The following SLC25A48 variants were observed in gnomAD, a reference collection of about 807,000 sequenced individuals.
SLC25A48 encodes solute carrier family 25 member 48.
A neutral mutation model predicts 32.2 loss-of-function variants in SLC25A48; 29 were observed. The ratio of observed to expected loss-of-function variants is 0.90; its 90% CI spans 0.67 to 1.23. The LOEUF (loss-of-function observed/expected upper bound fraction) is 1.23, where lower values mean the gene tolerates loss of function less well. Ranked by LOEUF, SLC25A48 falls within the 50% of genes most tolerant of loss-of-function variation. The pLI is 0.00. For synonymous variants in SLC25A48, 164 were observed against 172.3 expected, an observed-to-expected ratio of 0.95 and a Z score of 0.38; for missense variants, 399 against 422.7, an observed-to-expected ratio of 0.94 and a Z score of 0.49.
intron 1 of SLC25A48, among the ~76,000 whole-genome samples, chr5:135,623,774 A>G (rs910466240): frequency 5.3e-5 from 8 of 152,200 alleles, no homozygotes; most frequent in African/African-American, 1.9e-4. Flanking sequence ...AACCTTGCAG[A>G]AATTTAGCTA....
chr5:135,776,432 G>A (rs977397026), intron 3 of SLC25A48, among the ~76,000 whole-genome samples: 1 of 151,960 alleles, frequency 6.6e-6, no homozygotes, highest in Non-Finnish European at 1.5e-5. Flanking sequence ...TATAAAAGGC[G>A]GGAGAGGATG....
chr5:135,591,192 G>A (rs1393181543), intron 1 of SLC25A48, among the ~76,000 whole-genome samples: 1 of 152,238 alleles, frequency 6.6e-6, no homozygotes. Flanking sequence ...AAGCATCGGA[G>A]GTCACACAAT....
intron 2 of SLC25A48, 116 bp from the exon 3 acceptor site, chr5:135,850,309 C>G (rs1429614732): frequency 9.7e-7 from 1 of 1,028,546 alleles, no homozygotes; most frequent in Non-Finnish European, 1.5e-6. Flanking sequence ...GACTGAAACC[C>G]AGACCCTTTG....
At chr5:135,769,863 G>A (rs1756357427) in intron 3 of SLC25A48, among the ~76,000 whole-genome samples, 1 of 151,444 alleles carries the variant, frequency 6.6e-6, no homozygotes, top group South Asian at 2.1e-4. Context: ...ATCCATGAGG[G>A]GAAAGGATAA....
chr5:135,638,144 T>C (rs1752748948), intron 3 of SLC25A48, among the ~76,000 whole-genome samples: 1 of 152,254 alleles, frequency 6.6e-6, no homozygotes, highest in Admixed American at 6.5e-5. Flanking sequence ...GTATGCATTT[T>C]GATTCTACAT....
At chr5:135,772,092 A>G (rs12152911) in intron 3 of SLC25A48, among the ~76,000 whole-genome samples, 5 of 151,356 alleles carry the variant, frequency 3.3e-5, no homozygotes, top group African/African-American at 1.2e-4. Flanking sequence ...ACCCTGTGAT[A>G]TTATTCATAA....
chr5:135,838,238 G>T (rs1758693898), intron 1 of SLC25A48, among the ~76,000 whole-genome samples: 1 of 152,228 alleles, frequency 6.6e-6, no homozygotes, highest in Admixed American at 6.5e-5. Context: ...TCTGGTGGAA[G>T]AAATTACTAA....
At chr5:135,701,602 C>T (rs1332858958) in intron 3 of SLC25A48, among the ~76,000 whole-genome samples, 1 of 152,212 alleles carries the variant, frequency 6.6e-6, no homozygotes, top group Non-Finnish European at 1.5e-5. Flanking sequence ...GTCCCTCCCA[C>T]TTTTAAAAGA....
chr5:135,785,674 T>G (rs1580876723), intron 3 of SLC25A48, among the ~76,000 whole-genome samples: 5 of 133,848 alleles, frequency 3.7e-5, no homozygotes, highest in African/African-American at 8.8e-5. Context: ...GAGAGGGGGG[T>G]GGAACACCCC....
chr5:135,800,921 G>A (rs1363406385), intron 3 of SLC25A48, among the ~76,000 whole-genome samples: 1 of 151,058 alleles, frequency 6.6e-6, no homozygotes, highest in Non-Finnish European at 1.5e-5. Flanking sequence ...ACCCCTCTGT[G>A]ATATGGTTCA....
intron 3 of SLC25A48, among the ~76,000 whole-genome samples, chr5:135,639,116 A>G (rs766514833): frequency 2.0e-5 from 3 of 152,238 alleles, no homozygotes; most frequent in African/African-American, 4.8e-5. Flanking sequence ...CAAAAATGAT[A>G]TTCAGATACC....
chr5:135,789,089 G>A (rs1447499087), intron 3 of SLC25A48, among the ~76,000 whole-genome samples: 1 of 150,152 alleles, frequency 6.7e-6, no homozygotes, highest in Non-Finnish European at 1.5e-5. Flanking sequence ...AAGAGAGAGA[G>A]AGGTATTACT....
intron 1 of SLC25A48, among the ~76,000 whole-genome samples, chr5:135,594,479 A>C (rs1751600931): frequency 6.6e-6 from 1 of 152,202 alleles, no homozygotes; most frequent in Non-Finnish European, 1.5e-5. Flanking sequence ...GACTTCTGGC[A>C]CTTGATCTCA....
At chr5:135,841,288 A>C (rs1758966058) in intron 1 of SLC25A48, among the ~76,000 whole-genome samples, 1 of 152,228 alleles carries the variant, frequency 6.6e-6, no homozygotes, top group Non-Finnish European at 1.5e-5. Flanking sequence ...TTCTTCCTAT[A>C]TATGAATACT....
intron 4 of SLC25A48, among the ~76,000 whole-genome samples, chr5:135,829,250 G>C (rs543407479): frequency 1.3e-5 from 2 of 152,266 alleles, no homozygotes; most frequent in African/African-American, 4.8e-5. Context: ...TTTCAGATGG[G>C]ACCTTGACAG....
chr5:135,753,701 T>C (rs1755826263), intron 3 of SLC25A48, among the ~76,000 whole-genome samples: 1 of 151,846 alleles, frequency 6.6e-6, no homozygotes, highest in Admixed American at 6.6e-5. Flanking sequence ...ACACAGGATG[T>C]ACATCCACTA....
intron 6 of SLC25A48, among the ~76,000 whole-genome samples, chr5:135,877,912 G>C (rs752336794): frequency 1.4e-4 from 22 of 152,170 alleles, no homozygotes; most frequent in Non-Finnish European, 2.8e-4. Context: ...GAGGAAAAAG[G>C]CTGGCCCCTT....
intron 3 of SLC25A48, among the ~76,000 whole-genome samples, chr5:135,667,531 C>A (rs377061861): frequency 6.6e-6 from 1 of 152,156 alleles, no homozygotes; most frequent in Non-Finnish European, 1.5e-5. Flanking sequence ...GTGTAACCAC[C>A]CTTAGCTTTC....
chr5:135,865,519 G>C (rs1376241126), intron 4 of SLC25A48, among the ~76,000 whole-genome samples: 1 of 152,208 alleles, frequency 6.6e-6, no homozygotes, highest in Non-Finnish European at 1.5e-5. Context: ...TCTGACCCAA[G>C]GATCAGTCAG....
Sources: allele counts gnomAD v4.1 joint callset (sites outside exome capture counted in the v4.1 genomes callset), GRCh38; gene constraint gnomAD v4.1.1; transcripts MANE v1.5; gene names NCBI Gene and HGNC (gene_info 2026-07-23, HGNC 2026-07-21).